CUX2: variants seen among roughly 807,000 people sequenced by gnomAD.
CUX2 encodes homeobox protein cut-like 2.
A neutral mutation model predicts 144.8 loss-of-function variants in CUX2; 40 were observed. The observed-to-expected ratio is 0.28, with a 90% CI of 0.21 to 0.36. The LOEUF (loss-of-function observed/expected upper bound fraction) is 0.36, where lower values mean the gene tolerates loss of function less well. CUX2 is among the 10% of genes least tolerant of loss of function. CUX2 has a pLI of 1.00. For missense variants in CUX2, 1,615 were observed against 1,994.0 expected, an observed-to-expected ratio of 0.81 and a Z score of 3.62; for synonymous variants, 827 against 875.6, an observed-to-expected ratio of 0.94 and a Z score of 0.98.
chr12:111,338,214 C>T, intron 19 of CUX2, 72 bp from the exon 20 acceptor site: 1 of 1,475,286 alleles, frequency 6.8e-7, no homozygotes, highest in Non-Finnish European at 9.1e-7. Flanking sequence ...CTGGCCTATT[C>T]CATGTCTCTC....
intron 16 of CUX2, among the ~76,000 whole-genome samples, chr12:111,313,457 T>A (rs1430188075): frequency 6.7e-6 from 1 of 149,516 alleles, no homozygotes. Context: ...CTGCCCAACA[T>A]GGCGAAACCC....
intron 4 of CUX2, among the ~76,000 whole-genome samples, chr12:111,274,913 T>C (rs909107725): frequency 6.8e-6 from 1 of 147,500 alleles, no homozygotes; most frequent in African/African-American, 2.5e-5. Context: ...AGTGGGAGGA[T>C]AGAGACAGCT....
Position 111,307,193 on chromosome 12 carries a change from T to C in CUX2, c.1051-6T>C. 1 of 1,614,130 alleles carries C rather than the reference T, an allele frequency of 6.2e-7. No homozygotes were observed. Among genetic ancestry groups the C allele is most frequent in the Non-Finnish European group, 8.5e-7 (1 of 1,180,018 alleles). ...CCAGCCTCACCATCTTTCTTTGCTCTTCTAGAAGCTGGAAGAGAAGCTCCA... is the reference window on the plus strand; with the variant it reads ...CCAGCCTCACCATCTTTCTTTGCTCCTCTAGAAGCTGGAAGAGAAGCTCCA... On this transcript the variant is annotated splice_region_variant and splice_polypyrimidine_tract_variant and intron_variant, in intron 11 of 21. Transcript: ENST00000261726. The surrounding 1 kb of genome is among the most constrained non-coding windows in gnomAD (Gnocchi z 4.1).
At chr12:111,114,421 G>T (rs1419077017) in intron 1 of CUX2, among the ~76,000 whole-genome samples, 9 of 152,028 alleles carry the variant, frequency 5.9e-5, no homozygotes, top group Non-Finnish European at 2.9e-5. Context: ...CATATATTTT[G>T]CCCATTGTTT....
In CUX2 at chr12:111,280,492, A is replaced by C. The variant is rs144615960; in HGVS notation, c.302-10926A>C. On this transcript the variant is annotated intron_variant, in intron 4 of 21. Transcript: ENST00000261726. ...GGATTTTGGACCTCCAGCCTCCAAA[A>C]CACAGCAGAGCAGATTCCTCTGGCT... Among the ~76,000 whole-genome samples, 17 of 152,232 alleles carry C rather than the reference A, an allele frequency of 1.1e-4. 1 individual carries two copies. The East Asian group carries it at 3.3e-3, about 29-fold the overall frequency.
At chr12:111,043,736 G>C (rs939236157) in intron 1 of CUX2, among the ~76,000 whole-genome samples, 1 of 152,166 alleles carries the variant, frequency 6.6e-6, no homozygotes, top group Non-Finnish European at 1.5e-5. Context: ...CCATCTTCCA[G>C]ATGAGAAGAC....
intron 4 of CUX2, among the ~76,000 whole-genome samples, chr12:111,269,877 C>T (rs560966350): frequency 2.6e-5 from 4 of 152,284 alleles, no homozygotes; most frequent in Non-Finnish European, 4.4e-5. Context: ...CTCTCCTCCC[C>T]AGAAATGCAG....
intron 3 of CUX2, among the ~76,000 whole-genome samples, chr12:111,245,410 T>C (rs1203887277): frequency 6.6e-6 from 1 of 151,984 alleles, no homozygotes; most frequent in Non-Finnish European, 1.5e-5. Flanking sequence ...TTTTCTTAAT[T>C]TTTTTCCATT....
At chr12:111,259,806 A>G (rs533912701) in intron 3 of CUX2, among the ~76,000 whole-genome samples, 185 of 152,012 alleles carry the variant, frequency 1.2e-3, no homozygotes, top group Admixed American at 2.4e-3. Flanking sequence ...AAAAAAAAAA[A>G]AAAAAGAAAT....
Position 111,205,098 on chromosome 12 carries a change from A to G in CUX2, c.64-9102A>G, listed in dbSNP as rs576710470. 2.4e-3 allele frequency among the ~76,000 whole-genome samples: 368 copies of G among 152,130 alleles called. 3 individuals are homozygous for G. The highest frequency in any genetic ancestry group is 3.3e-3 in the Non-Finnish European group (224 of 67,956). ...GCTCTGGTAACCCGGGCTGTCTCCCAGCCACGGCTCAGTTATCCATCTCGG... is the reference window on the plus strand; with the variant it reads ...GCTCTGGTAACCCGGGCTGTCTCCCGGCCACGGCTCAGTTATCCATCTCGG... On this transcript the variant is annotated intron_variant, in intron 1 of 21. Coordinates refer to ENST00000261726, the MANE Select transcript of CUX2 (RefSeq NM_015267.4).
intron 4 of CUX2, among the ~76,000 whole-genome samples, chr12:111,281,099 A>G (rs541605323): frequency 2.8e-4 from 43 of 152,272 alleles, no homozygotes; most frequent in African/African-American, 1.0e-3. Flanking sequence ...CAGCCAGATG[A>G]GCCTTTGAAA....
chr12:111,249,449 T>TG (rs1006802293), intron 3 of CUX2, among the ~76,000 whole-genome samples: 1 of 142,580 alleles, frequency 7.0e-6, no homozygotes, highest in Non-Finnish European at 1.5e-5. Context: ...TTTTTTGTTT[T>TG]TTTTTTTTTT....
chr12:111,049,148 T>A (rs765715025), intron 1 of CUX2, among the ~76,000 whole-genome samples: 4 of 152,058 alleles, frequency 2.6e-5, no homozygotes, highest in Admixed American at 6.6e-5. Flanking sequence ...CATCCATGAA[T>A]CCTTCCATCC....
At chr12:111,223,724 C>T (rs549274280) in intron 3 of CUX2, among the ~76,000 whole-genome samples, 14 of 152,316 alleles carry the variant, frequency 9.2e-5, no homozygotes, top group African/African-American at 3.4e-4. Context: ...ACATCCAACC[C>T]AGTCAAGCCG....
At chr12:111,241,391 A>G (rs1883013018) in intron 3 of CUX2, among the ~76,000 whole-genome samples, 1 of 152,232 alleles carries the variant, frequency 6.6e-6, no homozygotes, top group South Asian at 2.1e-4. Flanking sequence ...TCCAAACCAT[A>G]GCAGAGCCCA....
At chr12:111,070,716 C>T (rs1871224930) in intron 1 of CUX2, among the ~76,000 whole-genome samples, 1 of 152,040 alleles carries the variant, frequency 6.6e-6, no homozygotes, top group Non-Finnish European at 1.5e-5. Context: ...TAGTATCATA[C>T]CTAGGATTTT....
At chr12:111,296,659 C>G in intron 8 of CUX2, 120 bp downstream of exon 8, 4 of 836,460 alleles carry the variant, frequency 4.8e-6, no homozygotes, top group Non-Finnish European at 7.7e-6. Context: ...CCTCCTCCCT[C>G]TGACCCTCCA....
intron 1 of CUX2, among the ~76,000 whole-genome samples, chr12:111,052,483 A>T (rs1270066808): frequency 1.3e-5 from 2 of 151,540 alleles, no homozygotes; most frequent in African/African-American, 4.8e-5. Flanking sequence ...TGTGAGTGTA[A>T]TGTGAGTGTA....
chr12:111,234,372 A>ATTC (rs1309660690), intron 3 of CUX2, among the ~76,000 whole-genome samples: 3 of 152,300 alleles, frequency 2.0e-5, no homozygotes, highest in Non-Finnish European at 4.4e-5. Flanking sequence ...CCTACTATGC[A>ATTC]TTCTTCCCTG....
Sources: gnomAD v4.1 joint callset for allele counts (sites outside exome capture counted in the v4.1 genomes callset) on GRCh38, gnomAD v4.1.1 for gene constraint, Gnocchi (gnomAD v3.1) non-coding constraint, MANE v1.5 for transcripts, NCBI Gene and HGNC (gene_info 2026-07-23, HGNC 2026-07-21) for gene names.